Variants in CAAP1 observed in about 807,000 individuals in gnomAD.
CAAP1 encodes the protein caspase activity and apoptosis inhibitor 1, also known as conserved anti-apoptotic protein.
Under a neutral mutation model 34.0 loss-of-function variants are expected in CAAP1, and 20 were observed. The ratio of observed to expected loss-of-function variants is 0.59; its 90% CI spans 0.41 to 0.86. CAAP1 has a LOEUF of 0.86. Among genes scored for constraint, CAAP1 ranks in the 40% least tolerant of loss-of-function variants. The pLI, the probability that CAAP1 is intolerant of heterozygous loss-of-function variation, is 0.00. For synonymous variants in CAAP1, 213 were observed against 166.7 expected (o/e 1.28, Z -2.14); for missense variants, 538 against 450.5 (o/e 1.19, Z -1.76).
intron 4 of CAAP1, among the ~76,000 whole-genome samples, chr9:26,866,556 G>C (rs993184172): frequency 6.6e-6 from 1 of 152,100 alleles, no homozygotes; most frequent in Admixed American, 6.6e-5. Flanking sequence ...TTAAAAAACA[G>C]ACAATACATG....
chr9:26,842,456 ACT>A lies in CAAP1; in HGVS notation c.929_930del (p.Glu310ValfsTer2). 6.2e-7 allele frequency: 1 copy of A among 1,613,636 alleles called. No individual in the cohort carries two copies. The highest frequency in any genetic ancestry group is 2.2e-5 in the East Asian group (1 of 44,852). On this transcript the variant is annotated frameshift_variant, in exon 6 of 6. Coordinates refer to ENST00000333916, the MANE Select transcript of CAAP1 (RefSeq NM_024828.4). LOFTEE classifies it high-confidence loss of function. The stretch of plus-strand genomic sequence containing the variant: ...GCTGCTTTGGGTTCGTTTGGGCTAG[ACT>A]CTGCCAGTCCTAGAATCTCATTCAC... ...KSVNEILGLA[E>X]SSPNEPKAAT...
At chr9:26,879,373 T>C (rs1489811513) in intron 4 of CAAP1, among the ~76,000 whole-genome samples, 1 of 152,238 alleles carries the variant, frequency 6.6e-6, no homozygotes, top group East Asian at 1.9e-4. Context: ...CTTGCATTAA[T>C]GCTTTACGTC....
chr9:26,856,349 A>G (rs1822869958), intron 5 of CAAP1, among the ~76,000 whole-genome samples: 2 of 152,230 alleles, frequency 1.3e-5, no homozygotes, highest in African/African-American at 2.4e-5. Context: ...AGGAACCATT[A>G]AACAGATCAA....
intron 5 of CAAP1, among the ~76,000 whole-genome samples, chr9:26,847,714 T>C (rs1287402459): frequency 6.6e-6 from 1 of 152,146 alleles, no homozygotes; most frequent in Non-Finnish European, 1.5e-5. Flanking sequence ...TTTTCCTGTC[T>C]TATAATTTTA....
At chr9:26,888,945 T>G (rs1048650441) in intron 1 of CAAP1, among the ~76,000 whole-genome samples, 4 of 152,166 alleles carry the variant, frequency 2.6e-5, no homozygotes, top group Non-Finnish European at 5.9e-5. Context: ...CAAAATGTGG[T>G]ATAGTAACCA....
At chr9:26,889,867 C>CAA (rs1028187218) in intron 1 of CAAP1, among the ~76,000 whole-genome samples, 807 of 50,386 alleles carry the variant, frequency 0.016, 24 homozygotes, top group African/African-American at 0.046. Context: ...GACTCTGTCT[C>CAA]AAAAAAAAAA....
intron 5 of CAAP1, among the ~76,000 whole-genome samples, chr9:26,851,739 G>A (rs993560783): frequency 1.3e-5 from 2 of 152,174 alleles, no homozygotes; most frequent in Non-Finnish European, 2.9e-5. Flanking sequence ...ACCCAAAAGG[G>A]AAAAATGAAG....
In CAAP1 at chr9:26,842,655, C is replaced by CA; in HGVS notation, c.740-9dup. 1 of 1,567,244 alleles carries CA rather than the reference C, an allele frequency of 6.4e-7. No homozygotes were observed. On this transcript the variant is annotated splice_polypyrimidine_tract_variant and intron_variant, in intron 5 of 5. Coordinates refer to ENST00000333916, the MANE Select transcript of CAAP1 (RefSeq NM_024828.4). ...CACTATCTTCCCCTTTTCCTGTAAC[C>CA]AAAAAAGGAGAAAGATCCATGTAAC... is the stretch of plus-strand genomic sequence containing the variant.
intron 5 of CAAP1, among the ~76,000 whole-genome samples, chr9:26,852,197 G>A (rs1293756930): frequency 6.6e-6 from 1 of 151,720 alleles, no homozygotes; most frequent in East Asian, 2.0e-4. Flanking sequence ...GCTCATGCCT[G>A]TAATCCAGCA....
rs34601727 is a variant in CAAP1 at position 26,874,206 on chromosome 9, C to CAAA, written c.665+10601_665+10603dup. On this transcript the variant is annotated intron_variant, in intron 4 of 5. Coordinates refer to ENST00000333916, the MANE Select transcript of CAAP1 (RefSeq NM_024828.4). ...TGGGCAACAAAGTGAGACTCTGTCT[C>CAAA]AAAAAAAAAAAAAAAAAAAAAAAAA... 1.2e-3 allele frequency among the ~76,000 whole-genome samples: 64 copies of CAAA among 53,130 alleles called. 1 individual carries two copies. The highest frequency in any genetic ancestry group is 3.6e-3 in the African/African-American group (49 of 13,756). The allele number at this position is 53,130 out of a possible 152,430, so 34.9% of individuals were successfully genotyped here.
chr9:26,876,466 T>C (rs962838244), intron 4 of CAAP1, among the ~76,000 whole-genome samples: 2 of 143,274 alleles, frequency 1.4e-5, no homozygotes, highest in Non-Finnish European at 3.0e-5. Flanking sequence ...ATATGCATTC[T>C]AGAAGGTTTT....
At chr9:26,871,222 T>C (rs1200020976) in intron 4 of CAAP1, among the ~76,000 whole-genome samples, 1 of 152,200 alleles carries the variant, frequency 6.6e-6, no homozygotes, top group Non-Finnish European at 1.5e-5. Flanking sequence ...TCTAATGACA[T>C]GAGCTAAACC....
At position 26,882,780 on chromosome 9, in the gene CAAP1, T is replaced by A. The variant is rs567951458; in HGVS notation, c.665+2030A>T. ...AGCAGCTAGGAGGGAGGCTGTACCCTACAAAGAAACAGGCGCGGGGCTTTC... is the reference window on the plus strand; with the variant it reads ...AGCAGCTAGGAGGGAGGCTGTACCCAACAAAGAAACAGGCGCGGGGCTTTC... On this transcript the variant is annotated intron_variant, in intron 4 of 5. Coordinates refer to ENST00000333916, the MANE Select transcript of CAAP1 (RefSeq NM_024828.4). Among the ~76,000 whole-genome samples the A allele has an allele frequency of 1.7e-4, 26 of 152,248 alleles. No individual in the cohort carries two copies. The South Asian group carries it at 4.2e-3, about 24-fold the overall frequency.
At chr9:26,873,732 C>T (rs1211293929) in intron 4 of CAAP1, among the ~76,000 whole-genome samples, 1 of 152,104 alleles carries the variant, frequency 6.6e-6, no homozygotes, top group Non-Finnish European at 1.5e-5. Flanking sequence ...CGTTGTTAAG[C>T]GGTTTTATCT....
chr9:26,863,596 G>A (rs1456219075), intron 4 of CAAP1, among the ~76,000 whole-genome samples: 1 of 151,806 alleles, frequency 6.6e-6, no homozygotes. Context: ...GACATACTAA[G>A]TGCCAGAATC....
Position 26,884,793 on chromosome 9 carries a change from A to C in CAAP1, c.665+17T>G. ...ACAAAGAAATTTTGAAATAAAAATG[A>C]AAGTTTTTAAACTTACTGACTGACT... On this transcript the variant is annotated intron_variant, in intron 4 of 5. Transcript: ENST00000333916. 6.4e-7 allele frequency: 1 copy of C among 1,565,724 alleles called. No individual in the cohort carries two copies. The highest frequency in any genetic ancestry group is 8.7e-7 in the Non-Finnish European group (1 of 1,148,152).
chr9:26,855,451 C>A (rs1563880930), intron 5 of CAAP1, among the ~76,000 whole-genome samples: 1 of 152,040 alleles, frequency 6.6e-6, no homozygotes, highest in Non-Finnish European at 1.5e-5. Context: ...ATGTACAACA[C>A]AAAGGTTAAG....
intron 4 of CAAP1, among the ~76,000 whole-genome samples, chr9:26,871,270 G>GT (rs139583144): frequency 0.036 from 5,483 of 152,228 alleles, 164 homozygotes; most frequent in South Asian, 0.1. Flanking sequence ...GGACATGGAT[G>GT]TTTTTCCCTT....
chr9:26,841,484 T>C lies in CAAP1; in HGVS notation c.*817A>G, dbSNP rs1222796631. ...GTATCAAAAGTCTTCAGATCCAGAA[T>C]GATAGCATTTTATTATTTCTGATTC... On this transcript the variant is annotated 3_prime_UTR_variant, in exon 6 of 6. Transcript: ENST00000333916. 1 of 152,590 alleles carries C rather than the reference T, an allele frequency of 6.6e-6. No homozygotes were observed. The highest frequency in any genetic ancestry group is 1.5e-5 in the Non-Finnish European group (1 of 67,994). The allele number at this position is 152,590 out of a possible 1,614,324, so 9.5% of individuals were successfully genotyped here.
Sources: allele counts gnomAD v4.1 joint callset (sites outside exome capture counted in the v4.1 genomes callset), GRCh38; gene constraint gnomAD v4.1.1; transcripts MANE v1.5; gene names NCBI Gene and HGNC (gene_info 2026-07-23, HGNC 2026-07-21).